Variants in KIAA0232 observed in about 807,000 individuals in gnomAD.
The protein encoded by KIAA0232 is KIAA0232.
In KIAA0232, 27 loss-of-function variants were observed where a neutral mutation model predicts 122.0. The observed-to-expected ratio is 0.22, with a 90% CI of 0.16 to 0.31. The LOEUF (loss-of-function observed/expected upper bound fraction) is 0.31, where lower values mean the gene tolerates loss of function less well. KIAA0232 is among the 10% of genes least tolerant of loss of function. KIAA0232 has a pLI of 1.00. For missense variants in KIAA0232, 1,551 were observed against 1,634.2 expected (o/e 0.95, Z 0.88); for synonymous variants, 613 against 587.6 (o/e 1.04, Z -0.63).
intron 7 of KIAA0232, among the ~76,000 whole-genome samples, chr4:6,869,045 A>C (rs16839412): frequency 0.052 from 7,887 of 152,130 alleles, 651 homozygotes; most frequent in African/African-American, 0.18. Context: ...GGGGCCCCAT[A>C]CTTGGGAATG....
At chr4:6,840,712 A>G (rs1005355993) in intron 3 of KIAA0232, among the ~76,000 whole-genome samples, 5 of 151,332 alleles carry the variant, frequency 3.3e-5, no homozygotes, top group African/African-American at 9.7e-5. Context: ...ATGTTTATGT[A>G]TAAGCAGACT....
Position 6,883,565 on chromosome 4 carries a change from A to T in KIAA0232, c.*2599A>T, listed in dbSNP as rs2108872677. ...GAAGAAAGTGGTGTGGCCTGCTGAGAAATCAGCGGCTCCTCCCCATCTCAC... is the reference window on the plus strand; with the variant it reads ...GAAGAAAGTGGTGTGGCCTGCTGAGTAATCAGCGGCTCCTCCCCATCTCAC... On this transcript the variant is annotated 3_prime_UTR_variant, in exon 10 of 10. Coordinates refer to ENST00000307659, the MANE Select transcript of KIAA0232 (RefSeq NM_014743.3). The T allele has an allele frequency of 6.6e-6, 1 of 152,298 alleles. No individual in the cohort carries two copies. Among genetic ancestry groups the T allele is most frequent in the East Asian group, 1.9e-4 (1 of 5,188 alleles). 9.4% of individuals were successfully genotyped at this position (152,298 alleles called of 1,614,324 possible). A position where few individuals can be genotyped will look rare whatever the true frequency, so the allele number is the denominator to read the frequency against.
chr4:6,785,185 C>T (rs1716563698), intron 1 of KIAA0232, among the ~76,000 whole-genome samples: 1 of 152,142 alleles, frequency 6.6e-6, no homozygotes, highest in Non-Finnish European at 1.5e-5. Flanking sequence ...GATCCGCCTG[C>T]CTCAGCCTCC....
chr4:6,801,236 C>T (rs975594956), intron 1 of KIAA0232, among the ~76,000 whole-genome samples: 3 of 152,156 alleles, frequency 2.0e-5, no homozygotes, highest in Non-Finnish European at 4.4e-5. Context: ...CATTAAAGAA[C>T]TGAATTTTCA....
In KIAA0232 at chr4:6,861,059, A is replaced by G. The variant is rs1406868471; in HGVS notation, c.677A>G (p.Asn226Ser). The stretch of plus-strand genomic sequence containing the variant: ...GATACTTCCTCTCCTAAGGACTGCA[A>G]CAGTGAAAGTGAAGTCACCAAGGAA... ...STDTSSPKDC[N>S]SESEVTKERS... The change falls in exon 7 of 10, where the codon AAC becomes AGC. Residue 226 changes from asparagine (N) to serine (S), a missense_variant. Asn to Ser is a conservative substitution (Grantham distance 46, BLOSUM62 1). Transcript: ENST00000307659. 13 of 1,614,116 alleles carry G rather than the reference A, an allele frequency of 8.1e-6. No individual in the cohort carries two copies. The Admixed American group carries it at 1.3e-4, about 17-fold the overall frequency.
chr4:6,875,442 A>G (rs565519518), intron 8 of KIAA0232, among the ~76,000 whole-genome samples: 42 of 152,336 alleles, frequency 2.8e-4, no homozygotes, highest in African/African-American at 9.4e-4. Context: ...CTCAACTAGT[A>G]ACTTGGAGTT....
intron 4 of KIAA0232, among the ~76,000 whole-genome samples, chr4:6,851,122 C>T (rs1234124679): frequency 6.6e-6 from 1 of 152,180 alleles, no homozygotes; most frequent in Non-Finnish European, 1.5e-5. Context: ...ATGGCCCTAA[C>T]CAGAATGTTA....
chr4:6,824,786 T>G, intron 3 of KIAA0232, 102 bp downstream of exon 3: 1 of 967,346 alleles, frequency 1.0e-6, no homozygotes, highest in Non-Finnish European at 1.6e-6. Flanking sequence ...GCTATTCATG[T>G]GTGTGTGCAA....
Position 6,862,737 on chromosome 4 carries a change from A to G in KIAA0232, c.2355A>G (p.Thr785=), listed in dbSNP as rs772600274. 17 of 1,611,708 alleles carry G rather than the reference A, an allele frequency of 1.1e-5. No individual in the cohort carries two copies. The highest frequency in any genetic ancestry group is 3.4e-5 in the Admixed American group (2 of 59,460). ...GEIPTLVFKK[T]SKLESVCGIQ... Reference sequence around the variant, plus strand: ...TTCCTACATTAGTTTTCAAAAAAACATCTAAACTAGAATCCGTCTGTGGTA... The same window carrying G: ...TTCCTACATTAGTTTTCAAAAAAACGTCTAAACTAGAATCCGTCTGTGGTA... Residue 785 remains threonine (T), a synonymous_variant, in exon 7 of 10, where the codon ACA becomes ACG. Transcript: ENST00000307659.
At chr4:6,878,379 T>TCATACATACATACATACATA (rs112843703) in intron 9 of KIAA0232, among the ~76,000 whole-genome samples, 37 of 149,318 alleles carry the variant, frequency 2.5e-4, no homozygotes, top group Middle Eastern at 3.5e-3. Context: ...CATCATTCAT[T>TCATACATACATACATACATA]CATACATACA....
At chr4:6,853,414 C>T (rs1560194273) in intron 4 of KIAA0232, among the ~76,000 whole-genome samples, 1 of 152,098 alleles carries the variant, frequency 6.6e-6, no homozygotes, top group Non-Finnish European at 1.5e-5. Flanking sequence ...GAAATGTGTC[C>T]ATAATACTAG....
chr4:6,782,847 G>A lies in KIAA0232; in HGVS notation c.-354+6G>A, dbSNP rs1182937274. 1 of 148,982 alleles carries A rather than the reference G, an allele frequency of 6.7e-6. No homozygotes were observed. Among genetic ancestry groups the A allele is most frequent in the Non-Finnish European group, 1.5e-5 (1 of 66,792 alleles). The allele number at this position is 148,982 out of a possible 1,614,324, so 9.2% of individuals were successfully genotyped here. The stretch of plus-strand genomic sequence containing the variant: ...CCGCCCGGCAGCCTCGGCAGGTACT[G>A]CGGGCAGGCGGCGGGGAGGGAGGGC... On this transcript the variant is annotated splice_donor_region_variant and intron_variant, in intron 1 of 9. Transcript: ENST00000307659.
intron 1 of KIAA0232, among the ~76,000 whole-genome samples, chr4:6,787,339 A>G (rs2108854142): frequency 6.6e-6 from 1 of 152,274 alleles, no homozygotes; most frequent in Middle Eastern, 3.4e-3. Flanking sequence ...TTAGAACTGG[A>G]TTTGAAAGAC....
At chr4:6,785,964 G>T (rs1271501338) in intron 1 of KIAA0232, among the ~76,000 whole-genome samples, 2 of 152,140 alleles carry the variant, frequency 1.3e-5, no homozygotes, top group African/African-American at 4.8e-5. Flanking sequence ...GTTCTTAAAA[G>T]TTCATATCAA....
chr4:6,820,990 T>C (rs1334003396), intron 2 of KIAA0232, among the ~76,000 whole-genome samples: 3 of 152,102 alleles, frequency 2.0e-5, no homozygotes, highest in East Asian at 3.9e-4. Flanking sequence ...GAACTTATCC[T>C]TTTATCAGGA....
chr4:6,804,677 A>C (rs1042369885), intron 2 of KIAA0232, 71 bp downstream of exon 2: 1 of 152,222 alleles, frequency 6.6e-6, no homozygotes. Context: ...AGGGAATACT[A>C]ATTGATTTAC....
intron 4 of KIAA0232, among the ~76,000 whole-genome samples, chr4:6,848,410 G>A (rs143428051): frequency 9.5e-4 from 144 of 152,064 alleles, no homozygotes; most frequent in African/African-American, 3.3e-3. Context: ...AAAAATATTT[G>A]GAAAAAAATG....
chr4:6,842,923 T>C (rs1421891621), intron 4 of KIAA0232, among the ~76,000 whole-genome samples: 1 of 152,120 alleles, frequency 6.6e-6, no homozygotes, highest in Non-Finnish European at 1.5e-5. Context: ...GTCTAGAATA[T>C]GTTATGTGGG....
At chr4:6,875,009 C>G (rs1721676480) in intron 8 of KIAA0232, among the ~76,000 whole-genome samples, 1 of 152,212 alleles carries the variant, frequency 6.6e-6, no homozygotes, top group Non-Finnish European at 1.5e-5. Flanking sequence ...CATGTCCTAT[C>G]CACTCCATGC....
Sources: gnomAD v4.1 joint callset for allele counts (sites outside exome capture counted in the v4.1 genomes callset) on GRCh38, gnomAD v4.1.1 for gene constraint, MANE v1.5 for transcripts, NCBI Gene and HGNC (gene_info 2026-07-23, HGNC 2026-07-21) for gene names.